The following MGMT variants were observed in gnomAD, a reference collection of about 807,000 sequenced individuals.
MGMT encodes methylated-DNA--protein-cysteine methyltransferase.
In MGMT, 14 loss-of-function variants were observed where a neutral mutation model predicts 15.9. The ratio of observed to expected loss-of-function variants is 0.88; its 90% CI spans 0.58 to 1.37. The LOEUF (loss-of-function observed/expected upper bound fraction) is 1.37. Among genes scored for constraint, MGMT ranks in the 40% most tolerant of loss-of-function variants. The pLI, the probability that MGMT is intolerant of heterozygous loss-of-function variation, is 0.00. For missense variants in MGMT, 282 were observed against 268.1 expected (o/e 1.05, Z -0.36); for synonymous variants, 130 against 118.2 (o/e 1.10, Z -0.65).
chr10:129,702,036 C>A (rs1410436274), intron 2 of MGMT: 2 of 152,376 alleles, frequency 1.3e-5, no homozygotes, highest in Non-Finnish European at 1.5e-5. Context: ...CAAAATAAAT[C>A]TGCAAGGCAG....
At chr10:129,640,347 C>T (rs112506311) in intron 2 of MGMT, among the ~76,000 whole-genome samples, 7,332 of 152,236 alleles carry the variant, frequency 0.048, 215 homozygotes, top group Middle Eastern at 0.085. Context: ...CCACCCACCT[C>T]GGCCTCCCAA....
chr10:129,569,163 C>T (rs1846388524), intron 2 of MGMT, among the ~76,000 whole-genome samples: 1 of 152,190 alleles, frequency 6.6e-6, no homozygotes, highest in Non-Finnish European at 1.5e-5. Context: ...CTGTGACTTC[C>T]TCCTCTGCTA....
intron 1 of MGMT, among the ~76,000 whole-genome samples, chr10:129,506,368 G>C (rs1281590865): frequency 6.6e-6 from 1 of 152,098 alleles, no homozygotes; most frequent in Non-Finnish European, 1.5e-5. Context: ...GGATTCTCTT[G>C]GTGCCATCTT....
chr10:129,755,624 ACTC>A (rs1346130707), intron 3 of MGMT, among the ~76,000 whole-genome samples: 1 of 151,910 alleles, frequency 6.6e-6, no homozygotes, highest in Non-Finnish European at 1.5e-5. Context: ...GGGAAAGGAG[ACTC>A]CTCCTCAAGA....
rs1171455337 is a variant in MGMT, at chr10:129,735,661, A to C, written c.275-23541A>C. Among the ~76,000 whole-genome samples the C allele has an allele frequency of 6.9e-5, 8 of 115,150 alleles. No homozygotes were observed. In the South Asian group the frequency reaches 2.9e-3, roughly 41 times the overall value. 75.5% of individuals were successfully genotyped at this position (115,150 alleles called of 152,430 possible). A position where few individuals can be genotyped will look rare whatever the true frequency, so the allele number is the denominator to read the frequency against. On this transcript the variant is annotated intron_variant, in intron 3 of 4. Coordinates refer to ENST00000651593, the MANE Select transcript of MGMT (RefSeq NM_002412.5). ...CTTTTAATTGTGATGTTAGGGTGTC[A>C]ATTTTGGATCTTTCCTGCTTTCTCT...
At chr10:129,682,934 C>G (rs953961296) in intron 2 of MGMT, among the ~76,000 whole-genome samples, 1 of 152,180 alleles carries the variant, frequency 6.6e-6, no homozygotes, top group African/African-American at 2.4e-5. Flanking sequence ...TTGCAAACTT[C>G]ATCTCCCGGG....
chr10:129,572,543 T>C (rs143661238), intron 2 of MGMT, among the ~76,000 whole-genome samples: 1 of 152,354 alleles, frequency 6.6e-6, no homozygotes, highest in East Asian at 1.9e-4. Flanking sequence ...CGGAGCTTGA[T>C]ATCTTTCCAG....
chr10:129,662,007 G>T (rs974110796), intron 2 of MGMT, among the ~76,000 whole-genome samples: 3 of 152,038 alleles, frequency 2.0e-5, no homozygotes, highest in Admixed American at 6.6e-5. Flanking sequence ...GCTCTGTTCT[G>T]TCCATTGCTA....
intron 3 of MGMT, among the ~76,000 whole-genome samples, chr10:129,745,306 G>A (rs528418830): frequency 5.9e-5 from 9 of 152,120 alleles, no homozygotes; most frequent in East Asian, 1.9e-4. Context: ...GAATGTTAAC[G>A]CGTGTGTGTG....
chr10:129,472,868 C>A (rs1042537311), intron 1 of MGMT, among the ~76,000 whole-genome samples: 16 of 152,124 alleles, frequency 1.1e-4, no homozygotes, highest in Non-Finnish European at 4.4e-5. Flanking sequence ...AAGGTAGTTC[C>A]CTATTCATTT....
chr10:129,512,638 A>G (rs1845696489), intron 1 of MGMT, among the ~76,000 whole-genome samples: 1 of 152,178 alleles, frequency 6.6e-6, no homozygotes, highest in South Asian at 2.1e-4. Flanking sequence ...AACAACTCTT[A>G]CTATTAAGTG....
chr10:129,476,879 A>C (rs1229129150), intron 1 of MGMT, among the ~76,000 whole-genome samples: 1 of 152,186 alleles, frequency 6.6e-6, no homozygotes, highest in African/African-American at 2.4e-5. Flanking sequence ...GGCAGGGTCC[A>C]CCACAGGAGT....
rs555611968 is a variant in MGMT at position 129,769,895 on chromosome 10, A to C, written c.*2898A>C. On this transcript the variant is annotated 3_prime_UTR_variant, in exon 5 of 5. Coordinates refer to ENST00000651593, the MANE Select transcript of MGMT (RefSeq NM_002412.5). ...GAGCTCTTGCATGAGGAATTGCAGA[A>C]CTTAGGGGCATGAATTTGCACTTCC... Among the ~76,000 whole-genome samples, 1 of 152,288 alleles carries C rather than the reference A, an allele frequency of 6.6e-6. No homozygotes were observed. The highest frequency in any genetic ancestry group is 2.4e-5 in the African/African-American group (1 of 41,550).
chr10:129,738,382 GGA>G (rs1348386286), intron 3 of MGMT, among the ~76,000 whole-genome samples: 4 of 152,234 alleles, frequency 2.6e-5, no homozygotes, highest in African/African-American at 4.8e-5. Context: ...TTGCGCTTCC[GGA>G]GTGAGGCAAT....
At chr10:129,758,671 C>T (rs1330721237) in intron 3 of MGMT, among the ~76,000 whole-genome samples, 1 of 152,212 alleles carries the variant, frequency 6.6e-6, no homozygotes, top group Non-Finnish European at 1.5e-5. Flanking sequence ...CCGCCAGCCC[C>T]TGCGTACTGT....
At chr10:129,472,171 A>G (rs570334828) in intron 1 of MGMT, among the ~76,000 whole-genome samples, 7 of 151,994 alleles carry the variant, frequency 4.6e-5, no homozygotes, top group Admixed American at 1.3e-4. Context: ...AGCTGAATAC[A>G]TTTTGTGGGA....
At chr10:129,687,212 GATAT>G (rs552054909) in intron 2 of MGMT, among the ~76,000 whole-genome samples, 165 of 140,316 alleles carry the variant, frequency 1.2e-3, no homozygotes, top group African/African-American at 4.3e-3. Context: ...TTCTTTTTGA[GATAT>G]ATATAATAGG....
intron 2 of MGMT, among the ~76,000 whole-genome samples, chr10:129,682,346 C>G (rs1473717277): frequency 6.6e-6 from 1 of 151,954 alleles, no homozygotes; most frequent in Non-Finnish European, 1.5e-5. Flanking sequence ...ATACACGGTA[C>G]AATTTGGATG....
intron 2 of MGMT, among the ~76,000 whole-genome samples, chr10:129,655,432 GCTGACC>G (rs1847514320): frequency 6.6e-6 from 1 of 152,196 alleles, no homozygotes; most frequent in Non-Finnish European, 1.5e-5. Context: ...TTTCCAAGGC[GCTGACC>G]CTGACGCTTC....
Sources: gnomAD v4.1 joint callset for allele counts (sites outside exome capture counted in the v4.1 genomes callset) on GRCh38, gnomAD v4.1.1 for gene constraint, MANE v1.5 for transcripts, NCBI Gene and HGNC (gene_info 2026-07-23, HGNC 2026-07-21) for gene names.